PCDHA5: variants seen among roughly 807,000 people sequenced by gnomAD.
PCDHA5 encodes the protein protocadherin alpha 5.
PCDHA5 carries 43 observed loss-of-function variants against 61.6 expected under a neutral mutation model. That is an observed-to-expected ratio of 0.70 (90% CI 0.55 to 0.90). The LOEUF is 0.90. Among genes scored for constraint, PCDHA5 ranks in the 40% least tolerant of loss-of-function variants. PCDHA5 has a pLI of 0.00. For missense variants in PCDHA5, 1,298 were observed against 1,222.7 expected (o/e 1.06, Z -0.92); for synonymous variants, 627 against 543.9 (o/e 1.15, Z -2.13).
intron 1 of PCDHA5, chr5:140,876,170 T>C (rs781910243): frequency 6.2e-7 from 1 of 1,613,982 alleles, no homozygotes; most frequent in African/African-American, 1.3e-5. Context: ...ATAACCGTCC[T>C]GGATGTGAAT....
chr5:140,928,485 C>T, intron 1 of PCDHA5: 2 of 1,614,136 alleles, frequency 1.2e-6, no homozygotes, highest in Non-Finnish European at 1.7e-6. Context: ...GGGATGGTGG[C>T]ATTCCTCCCA....
chr5:140,940,643 T>A (rs2092660320), intron 1 of PCDHA5, among the ~76,000 whole-genome samples: 1 of 152,226 alleles, frequency 6.6e-6, no homozygotes, highest in Non-Finnish European at 1.5e-5. Flanking sequence ...TGTCATTTAT[T>A]TATTTAAATA....
Position 140,842,571 on chromosome 5 carries a change from G to A in PCDHA5, c.2352+18444G>A, listed in dbSNP as rs2150339476. The A allele has an allele frequency of 9.3e-6, 14 of 1,508,304 alleles. No individual in the cohort carries two copies. Among genetic ancestry groups the A allele is most frequent in the Non-Finnish European group, 1.2e-5 (13 of 1,110,420 alleles). The allele number at this position is 1,508,304 out of a possible 1,614,324, so 93.4% of individuals were successfully genotyped here. On this transcript the variant is annotated intron_variant, in intron 1 of 3. Coordinates refer to ENST00000529859, the MANE Select transcript of PCDHA5 (RefSeq NM_018908.3). ...CTGGACAGCGCCCTGGACCGCGAGA[G>A]AGTGTCGGCCTATGAGTTGGTGGTA...
At chr5:140,851,413 C>A in intron 1 of PCDHA5, 1 of 961,744 alleles carries the variant, frequency 1.0e-6, no homozygotes, top group Non-Finnish European at 1.3e-6. Flanking sequence ...AAGAAAGAAA[C>A]TTCCCCTAAA....
chr5:140,938,944 A>G (rs551824557), intron 1 of PCDHA5, among the ~76,000 whole-genome samples: 2 of 152,236 alleles, frequency 1.3e-5, no homozygotes, highest in South Asian at 2.1e-4. Context: ...TTCCATTCTT[A>G]TAATGCTCTA....
At chr5:140,828,466 C>T in intron 1 of PCDHA5, 2 of 1,614,242 alleles carry the variant, frequency 1.2e-6, no homozygotes, top group East Asian at 2.2e-5. Flanking sequence ...AGGTGAGGGA[C>T]ATTAACGACA....
At chr5:140,987,480 A>C (rs1489888830) in intron 3 of PCDHA5, among the ~76,000 whole-genome samples, 2 of 152,192 alleles carry the variant, frequency 1.3e-5, no homozygotes, top group African/African-American at 4.8e-5. Flanking sequence ...CTTGGGAGTC[A>C]GTGACCCTTT....
chr5:140,824,360 A>G, intron 1 of PCDHA5: 1 of 580,340 alleles, frequency 1.7e-6, no homozygotes. Flanking sequence ...ATTTTATATT[A>G]GCATTTGAAT....
chr5:140,967,794 T>G, intron 1 of PCDHA5: 1 of 1,614,178 alleles, frequency 6.2e-7, no homozygotes. Flanking sequence ...CGGGGTCCAG[T>G]GCCCATGGCA....
chr5:140,838,077 AGTGTGTGTGT>A (rs57130401), intron 1 of PCDHA5, among the ~76,000 whole-genome samples: 3,081 of 80,626 alleles, frequency 0.038, 55 homozygotes, highest in African/African-American at 0.095. Context: ...ATATATATAT[AGTGTGTGTGT>A]GTGTGTGTGT....
At chr5:140,869,419 C>G (rs782550413) in intron 1 of PCDHA5, 10 of 1,614,078 alleles carry the variant, frequency 6.2e-6, no homozygotes, top group African/African-American at 1.3e-5. Context: ...CAGCATCCAC[C>G]TGGAGGTGAT....
At chr5:140,873,858 A>G (rs1238963531) in intron 1 of PCDHA5, among the ~76,000 whole-genome samples, 9 of 152,022 alleles carry the variant, frequency 5.9e-5, no homozygotes, top group African/African-American at 1.9e-4. Context: ...ATGGGTTTTC[A>G]CCATGTTGGC....
chr5:140,855,192 C>T (rs2150331288), intron 1 of PCDHA5, among the ~76,000 whole-genome samples: 1 of 149,878 alleles, frequency 6.7e-6, no homozygotes, highest in South Asian at 2.1e-4. Context: ...AAATTGAGGC[C>T]TGAGAATAGT....
intron 1 of PCDHA5, among the ~76,000 whole-genome samples, chr5:140,944,186 GTTT>G (rs2093621428): frequency 6.6e-6 from 1 of 151,986 alleles, no homozygotes. Flanking sequence ...TTGTTGGTTT[GTTT>G]TGTTTTGTTT....
chr5:141,005,797 A>G (rs1444669955), intron 3 of PCDHA5, among the ~76,000 whole-genome samples: 2 of 150,756 alleles, frequency 1.3e-5, no homozygotes, highest in East Asian at 1.9e-4. Context: ...GGCAAAAACA[A>G]CTCCAAGGAG....
At chr5:140,947,796 T>C (rs2094177808) in intron 1 of PCDHA5, among the ~76,000 whole-genome samples, 2 of 151,630 alleles carry the variant, frequency 1.3e-5, no homozygotes, top group Non-Finnish European at 3.0e-5. Context: ...AACAGACTTT[T>C]AATTTGCAGA....
chr5:140,824,374 G>A lies in PCDHA5; in HGVS notation c.2352+247G>A, dbSNP rs1722536546. On this transcript the variant is annotated intron_variant, in intron 1 of 3. Coordinates refer to ENST00000529859, the MANE Select transcript of PCDHA5 (RefSeq NM_018908.3). ...TATTTTATATTAGCATTTGAATTTT[G>A]CATCTCTAAAAATGTAGGATAATAA... 2.5e-5 allele frequency: 14 copies of A among 568,300 alleles called. No individual in the cohort carries two copies. In the South Asian group the frequency reaches 3.2e-4, roughly 13 times the overall value. The allele number at this position is 568,300 out of a possible 1,614,324, so 35.2% of individuals were successfully genotyped here. A position where few individuals can be genotyped will look rare whatever the true frequency, so the allele number is the denominator to read the frequency against.
intron 1 of PCDHA5, among the ~76,000 whole-genome samples, chr5:140,896,855 A>G (rs2065775013): frequency 6.6e-6 from 1 of 152,196 alleles, no homozygotes; most frequent in South Asian, 2.1e-4. Flanking sequence ...TTATGGGTAC[A>G]TAATAAGTGT....
At chr5:140,967,057 A>T (rs1554229122) in intron 1 of PCDHA5, 1 of 1,612,704 alleles carries the variant, frequency 6.2e-7, no homozygotes, top group South Asian at 1.1e-5. Context: ...TGACGAGTGG[A>T]GCGCTCTTCG....
Sources: allele counts gnomAD v4.1 joint callset (sites outside exome capture counted in the v4.1 genomes callset), GRCh38; gene constraint gnomAD v4.1.1; transcripts MANE v1.5; gene names NCBI Gene and HGNC (gene_info 2026-07-23, HGNC 2026-07-21).